The following FAF1 variants were observed in gnomAD, a reference collection of about 807,000 sequenced individuals.
FAF1 encodes FAS-associated factor 1.
FAF1 carries 25 observed loss-of-function variants against 92.5 expected under a neutral mutation model. The observed-to-expected ratio is 0.27, with a 90% CI of 0.20 to 0.38. The LOEUF is 0.38. Among genes scored for constraint, FAF1 ranks in the 10% least tolerant of loss-of-function variants. The pLI, the probability that FAF1 is intolerant of heterozygous loss-of-function variation, is 1.00. For missense variants in FAF1, 636 were observed against 793.3 expected, an observed-to-expected ratio of 0.80 and a Z score of 2.38; for synonymous variants, 234 against 273.2, an observed-to-expected ratio of 0.86 and a Z score of 1.42.
intron 2 of FAF1, among the ~76,000 whole-genome samples, chr1:50,844,151 G>T (rs191940331): frequency 2.1e-4 from 32 of 152,184 alleles, no homozygotes; most frequent in African/African-American, 7.0e-4. Context: ...ATTTTTTCAT[G>T]TACCTGTTGA....
chr1:50,539,747 CA>C lies in FAF1; in HGVS notation c.1269-20del. On this transcript the variant is annotated intron_variant, in intron 13 of 18. Coordinates refer to ENST00000396153, the MANE Select transcript of FAF1 (RefSeq NM_007051.3). Reference sequence around the variant, plus strand: ...GAGAAATCTAAAAGGAGACAAAATACAAAGTAAGTTTTGCTTTGTAGTTTAA... The same window carrying C: ...GAGAAATCTAAAAGGAGACAAAATACAAGTAAGTTTTGCTTTGTAGTTTAA... The C allele has an allele frequency of 6.3e-7, 1 of 1,595,336 alleles. No homozygotes were observed. The highest frequency in any genetic ancestry group is 1.1e-5 in the South Asian group (1 of 88,982).
At chr1:50,776,593 C>T (rs1008341037) in intron 4 of FAF1, among the ~76,000 whole-genome samples, 1 of 151,774 alleles carries the variant, frequency 6.6e-6, no homozygotes, top group Admixed American at 6.6e-5. Context: ...AAGTGATACA[C>T]TATTCACTCA....
intron 2 of FAF1, among the ~76,000 whole-genome samples, chr1:50,851,221 C>T (rs1644346211): frequency 6.6e-6 from 1 of 152,020 alleles, no homozygotes; most frequent in Non-Finnish European, 1.5e-5. Context: ...GCTGGGACCA[C>T]AGGCATGCGC....
intron 13 of FAF1, among the ~76,000 whole-genome samples, chr1:50,566,849 T>G (rs1161699967): frequency 2.6e-5 from 4 of 152,122 alleles, no homozygotes; most frequent in Non-Finnish European, 5.9e-5. Flanking sequence ...GAGAAATGTA[T>G]TTTTGTTTTC....
intron 2 of FAF1, among the ~76,000 whole-genome samples, chr1:50,828,646 A>G (rs776598254): frequency 1.3e-5 from 2 of 152,162 alleles, no homozygotes; most frequent in Admixed American, 6.5e-5. Flanking sequence ...GCTCTCTTAT[A>G]CCAACACAAA....
chr1:50,792,849 C>T (rs1005971296), intron 3 of FAF1, among the ~76,000 whole-genome samples: 1 of 151,994 alleles, frequency 6.6e-6, no homozygotes, highest in African/African-American at 2.4e-5. Flanking sequence ...GGTCAAATGG[C>T]AAAATTTGAC....
At chr1:50,606,601 G>A (rs1652427407) in intron 8 of FAF1, among the ~76,000 whole-genome samples, 1 of 144,122 alleles carries the variant, frequency 6.9e-6, no homozygotes, top group African/African-American at 2.6e-5. Flanking sequence ...CCAGGTTCAA[G>A]CGATTCTCCT....
At chr1:50,813,017 T>A (rs144304254) in intron 2 of FAF1, among the ~76,000 whole-genome samples, 4 of 152,202 alleles carry the variant, frequency 2.6e-5, no homozygotes, top group African/African-American at 9.6e-5. Context: ...AGGTAAATAC[T>A]CAGTTACATA....
At chr1:50,652,641 A>G (rs1654918012) in intron 8 of FAF1, among the ~76,000 whole-genome samples, 1 of 152,238 alleles carries the variant, frequency 6.6e-6, no homozygotes, top group Non-Finnish European at 1.5e-5. Context: ...AGTTGAGAGA[A>G]CAGTATAATA....
intron 1 of FAF1, among the ~76,000 whole-genome samples, chr1:50,925,685 G>A (rs1168273558): frequency 6.6e-6 from 1 of 152,138 alleles, no homozygotes; most frequent in African/African-American, 2.4e-5. Flanking sequence ...AAACAGTGTT[G>A]CACTTTCTCA....
At chr1:50,805,677 T>C (rs777193040) in intron 2 of FAF1, among the ~76,000 whole-genome samples, 6 of 152,184 alleles carry the variant, frequency 3.9e-5, no homozygotes, top group African/African-American at 9.6e-5. Flanking sequence ...CTTTCTCTAA[T>C]ATACAGAAAA....
Position 50,761,014 on chromosome 1 carries a change from C to T in FAF1, c.368-16239G>A, listed in dbSNP as rs567789134. Among the ~76,000 whole-genome samples, 107 of 152,200 alleles carry T rather than the reference C, an allele frequency of 7.0e-4. No homozygotes were observed. The Middle Eastern group carries it at 0.017, about 24-fold the overall frequency. On this transcript the variant is annotated intron_variant, in intron 4 of 18. Coordinates refer to ENST00000396153, the MANE Select transcript of FAF1 (RefSeq NM_007051.3). ...AAAATGATAAAGGGGATATCACCAC[C>T]GATCACACAGAAATATAAACTACCA...
At chr1:50,647,459 CTA>C in intron 8 of FAF1, among the ~76,000 whole-genome samples, 1 of 152,250 alleles carries the variant, frequency 6.6e-6, no homozygotes. Context: ...TCTGAATCTG[CTA>C]TGATTCTGGA....
chr1:50,889,463 T>C (rs1421150046), intron 1 of FAF1, among the ~76,000 whole-genome samples: 3 of 152,234 alleles, frequency 2.0e-5, no homozygotes, highest in Non-Finnish European at 4.4e-5. Context: ...TGTTAGGGTG[T>C]CAATTTTAGA....
intron 17 of FAF1, among the ~76,000 whole-genome samples, chr1:50,486,588 T>C (rs1453102936): frequency 1.3e-5 from 2 of 152,150 alleles, no homozygotes; most frequent in East Asian, 3.8e-4. Flanking sequence ...TAGTTAGATA[T>C]CAGCTTCCTC....
intron 1 of FAF1, among the ~76,000 whole-genome samples, chr1:50,953,256 G>A (rs906824699): frequency 3.9e-5 from 6 of 151,974 alleles, no homozygotes; most frequent in Admixed American, 6.6e-5. Flanking sequence ...CAAACACTGC[G>A]GAAGGCCCCA....
chr1:50,598,663 T>A (rs745450889), intron 8 of FAF1, among the ~76,000 whole-genome samples: 1 of 152,114 alleles, frequency 6.6e-6, no homozygotes, highest in African/African-American at 2.4e-5. Flanking sequence ...GTTAAGAACA[T>A]ACTGTGCTGG....
At chr1:50,754,065 A>T (rs1659980731) in intron 4 of FAF1, among the ~76,000 whole-genome samples, 1 of 152,092 alleles carries the variant, frequency 6.6e-6, no homozygotes, top group Non-Finnish European at 1.5e-5. Context: ...CTATCTGCTC[A>T]TTCTAACATC....
intron 2 of FAF1, among the ~76,000 whole-genome samples, chr1:50,822,387 G>C (rs1644050918): frequency 6.6e-6 from 1 of 152,174 alleles, no homozygotes; most frequent in Admixed American, 6.5e-5. Context: ...ACATCTATGA[G>C]TGAAAACCAA....
Sources: allele counts gnomAD v4.1 joint callset (sites outside exome capture counted in the v4.1 genomes callset), GRCh38; gene constraint gnomAD v4.1.1; transcripts MANE v1.5; gene names NCBI Gene and HGNC (gene_info 2026-07-23, HGNC 2026-07-21).